DNAJC1: variants seen among roughly 807,000 people sequenced by gnomAD.
The protein encoded by DNAJC1 is dnaJ homolog subfamily C member 1.
A neutral mutation model predicts 76.6 loss-of-function variants in DNAJC1; 58 were observed. The observed-to-expected ratio is 0.76, with a 90% CI of 0.61 to 0.94. DNAJC1 has a LOEUF of 0.94. Ranked by LOEUF, DNAJC1 falls within the 40% of genes least tolerant of loss-of-function variation. The pLI, the probability that DNAJC1 is intolerant of heterozygous loss-of-function variation, is 0.00. For synonymous variants in DNAJC1, 258 were observed against 267.9 expected (o/e 0.96, Z 0.36); for missense variants, 689 against 677.3 (o/e 1.02, Z -0.19).
At chr10:21,994,970 G>T (rs371293699) in intron 1 of DNAJC1, among the ~76,000 whole-genome samples, 1 of 148,174 alleles carries the variant, frequency 6.7e-6, no homozygotes, top group East Asian at 2.0e-4. Context: ...GTTAACTTCC[G>T]CAAATCAAAC....
chr10:21,862,062 G>C lies in DNAJC1; in HGVS notation c.978+20220C>G, dbSNP rs1835923480. On this transcript the variant is annotated intron_variant, in intron 8 of 11. Transcript: ENST00000376980. ...GCCTCCCGAGTAGCTAGGATTACAGGCATGCACCACCACGCCCGGCTAATT... is the reference window on the plus strand; with the variant it reads ...GCCTCCCGAGTAGCTAGGATTACAGCCATGCACCACCACGCCCGGCTAATT... Among the ~76,000 whole-genome samples, 4 of 151,894 alleles carry C rather than the reference G, an allele frequency of 2.6e-5. No individual in the cohort carries two copies. In the South Asian group the frequency reaches 8.3e-4, roughly 32 times the overall value.
At chr10:21,797,559 T>C (rs568437033) in intron 9 of DNAJC1, among the ~76,000 whole-genome samples, 1 of 152,284 alleles carries the variant, frequency 6.6e-6, no homozygotes, top group Non-Finnish European at 1.5e-5. Flanking sequence ...AGTTCATTTG[T>C]TGGAAACCTA....
intron 9 of DNAJC1, among the ~76,000 whole-genome samples, chr10:21,771,934 GTTTT>G (rs1319599203): frequency 3.9e-5 from 6 of 152,134 alleles, no homozygotes; most frequent in Non-Finnish European, 8.8e-5. Context: ...GGTAATAAAT[GTTTT>G]TTGTTTGTTT....
At chr10:21,828,668 A>G (rs969710919) in intron 8 of DNAJC1, among the ~76,000 whole-genome samples, 1 of 152,246 alleles carries the variant, frequency 6.6e-6, no homozygotes, top group Admixed American at 6.5e-5. Flanking sequence ...TTCCATGGCT[A>G]TCACCATCTA....
rs1279244295 is a variant in DNAJC1, at chr10:21,783,606, C to T, written c.1099-17297G>A. ...CCCACACTGCCAAGTCAATCCTAAG[C>T]AAAAAGAACAAAGCTGGAGGCATCA... On this transcript the variant is annotated intron_variant, in intron 9 of 11. Coordinates refer to ENST00000376980, the MANE Select transcript of DNAJC1 (RefSeq NM_022365.4). Among the ~76,000 whole-genome samples the T allele has an allele frequency of 2.0e-5, 3 of 152,122 alleles. No individual in the cohort carries two copies. In the East Asian group the frequency reaches 5.8e-4, roughly 29 times the overall value.
intron 8 of DNAJC1, among the ~76,000 whole-genome samples, chr10:21,859,244 C>T (rs1047245540): frequency 1.3e-5 from 2 of 152,032 alleles, no homozygotes; most frequent in Non-Finnish European, 2.9e-5. Context: ...TTACTAATGC[C>T]GATTGAGCCA....
chr10:21,924,301 T>C (rs1434717205), intron 3 of DNAJC1, among the ~76,000 whole-genome samples: 2 of 152,140 alleles, frequency 1.3e-5, no homozygotes, highest in African/African-American at 2.4e-5. Flanking sequence ...GTTTAACATA[T>C]TAAGGCTGAA....
intron 9 of DNAJC1, among the ~76,000 whole-genome samples, chr10:21,768,950 T>C (rs1834336471): frequency 6.6e-6 from 1 of 152,196 alleles, no homozygotes; most frequent in African/African-American, 2.4e-5. Flanking sequence ...TCTTCAAACT[T>C]AGCTCAAGTA....
intron 8 of DNAJC1, among the ~76,000 whole-genome samples, chr10:21,825,740 C>T (rs1366886051): frequency 5.3e-5 from 8 of 152,122 alleles, no homozygotes; most frequent in Admixed American, 1.3e-4. Flanking sequence ...GCAGTGCTAT[C>T]TTATGTGGTT....
chr10:21,874,090 G>A (rs550497685), intron 8 of DNAJC1, among the ~76,000 whole-genome samples: 109 of 152,262 alleles, frequency 7.2e-4, no homozygotes, highest in Non-Finnish European at 1.3e-3. Flanking sequence ...TAAATAGTAT[G>A]TGACATATTC....
intron 1 of DNAJC1, among the ~76,000 whole-genome samples, chr10:21,998,220 A>G (rs549095848): frequency 6.6e-6 from 1 of 151,874 alleles, no homozygotes; most frequent in Non-Finnish European, 1.5e-5. Flanking sequence ...GCGAAACCCC[A>G]TCTCTACTAA....
chr10:21,964,550 AT>A (rs1358137794), intron 1 of DNAJC1, among the ~76,000 whole-genome samples: 2 of 152,140 alleles, frequency 1.3e-5, no homozygotes, highest in Non-Finnish European at 2.9e-5. Context: ...ATCTTTACAA[AT>A]TAAGTATTTC....
At chr10:21,808,804 C>T (rs563912498) in intron 8 of DNAJC1, among the ~76,000 whole-genome samples, 11 of 152,248 alleles carry the variant, frequency 7.2e-5, no homozygotes, top group African/African-American at 9.6e-5. Flanking sequence ...CCAATCTTAC[C>T]GAAACACCGG....
At chr10:21,916,467 C>A (rs554815126) in intron 6 of DNAJC1, among the ~76,000 whole-genome samples, 4 of 151,712 alleles carry the variant, frequency 2.6e-5, no homozygotes, top group Non-Finnish European at 5.9e-5. Flanking sequence ...CCAGCCTGGG[C>A]GACAGAGCAA....
chr10:21,809,771 C>T lies in DNAJC1; in HGVS notation c.979-3672G>A, dbSNP rs186318797. Among the ~76,000 whole-genome samples the T allele has an allele frequency of 9.3e-3, 1,414 of 152,064 alleles. 11 individuals carry two copies. Among genetic ancestry groups the T allele is most frequent in the Non-Finnish European group, 0.013 (890 of 67,990 alleles). The stretch of plus-strand genomic sequence containing the variant: ...TTCCTTTCCTATTTAAAAATGGAGG[C>T]ATGCCCTTGACAAATATATATAAAT... On this transcript the variant is annotated intron_variant, in intron 8 of 11. Transcript: ENST00000376980.
chr10:21,816,099 G>T (rs919968462), intron 8 of DNAJC1, among the ~76,000 whole-genome samples: 1 of 151,432 alleles, frequency 6.6e-6, no homozygotes, highest in African/African-American at 2.4e-5. Flanking sequence ...CCCTATCCTA[G>T]ATGGGCACCT....
intron 9 of DNAJC1, among the ~76,000 whole-genome samples, chr10:21,773,394 A>G (rs1296696758): frequency 6.6e-6 from 1 of 152,134 alleles, no homozygotes; most frequent in East Asian, 1.9e-4. Context: ...TCCACTGATT[A>G]TTTAGGAGTG....
intron 1 of DNAJC1, among the ~76,000 whole-genome samples, chr10:21,951,215 G>A (rs1837589444): frequency 6.6e-6 from 1 of 151,966 alleles, no homozygotes; most frequent in Admixed American, 6.6e-5. Flanking sequence ...AGCTACTAAG[G>A]AGGCTGAGGC....
chr10:21,810,912 G>A (rs1834954474), intron 8 of DNAJC1, among the ~76,000 whole-genome samples: 4 of 152,236 alleles, frequency 2.6e-5, no homozygotes, highest in Admixed American at 6.5e-5. Context: ...TGGTGAATAT[G>A]TTTTGTTCAG....
Sources: gnomAD v4.1 joint callset for allele counts (sites outside exome capture counted in the v4.1 genomes callset) on GRCh38, gnomAD v4.1.1 for gene constraint, MANE v1.5 for transcripts, NCBI Gene and HGNC (gene_info 2026-07-23, HGNC 2026-07-21) for gene names.